NEB: variants seen among roughly 807,000 people sequenced by gnomAD.
NEB encodes the protein nebulin.
Under a neutral mutation model 952.2 loss-of-function variants are expected in NEB, and 512 were observed. The ratio of observed to expected loss-of-function variants is 0.54; its 90% CI spans 0.50 to 0.58. The LOEUF (loss-of-function observed/expected upper bound fraction) is 0.58. Among genes scored for constraint, NEB ranks in the 20% least tolerant of loss-of-function variants. The pLI is 0.00. For synonymous variants in NEB, 2,900 were observed against 3,149.8 expected, an observed-to-expected ratio of 0.92 and a Z score of 2.66; for missense variants, 8,428 against 9,231.1, an observed-to-expected ratio of 0.91 and a Z score of 3.56.
chr2:151,503,659 A>G (rs1575347305), intron 165 of NEB, among the ~76,000 whole-genome samples: 1 of 152,160 alleles, frequency 6.6e-6, no homozygotes, highest in East Asian at 1.9e-4. Flanking sequence ...TAAATTATGC[A>G]TTTTCTGTAA....
rs114118829 is a variant in NEB at position 151,683,313 on chromosome 2, C to T, written c.2836-544G>A. Among the ~76,000 whole-genome samples the T allele has an allele frequency of 2.9e-3, 446 of 152,226 alleles. 1 individual carries two copies. Among genetic ancestry groups the T allele is most frequent in the African/African-American group, 9.4e-3 (391 of 41,546 alleles). On this transcript the variant is annotated intron_variant, in intron 28 of 181. Coordinates refer to ENST00000397345, the MANE Select transcript of NEB (RefSeq NM_001164508.2). ...CAAAACACTTTAAAACAGTTGCACT[C>T]GTTAATTTGCATAAGAGGGCGGTTA...
Position 151,678,248 on chromosome 2 carries a change from G to T in NEB, c.3256-61C>A, listed in dbSNP as rs151236535. 4.6e-5 allele frequency: 50 copies of T among 1,098,874 alleles called. 1 individual carries two copies. The African/African-American group carries it at 7.2e-4, about 16-fold the overall frequency. 68.1% of individuals were successfully genotyped at this position (1,098,874 alleles called of 1,614,324 possible). On this transcript the variant is annotated intron_variant, in intron 32 of 181. Coordinates refer to ENST00000397345, the MANE Select transcript of NEB (RefSeq NM_001164508.2). ...AGTTTTGAGGGCTTTACTAAACAAT[G>T]AGGCCATGATTTGAAGTAATTGAGC...
rs1354478149 is a variant in NEB at position 151,671,161 on chromosome 2, C to G, written c.4368G>C (p.Glu1456Asp). Reference protein sequence around the residue: ...GIGWIPIGSLEVEKVKKAGDA... With the variant: ...GIGWIPIGSLDVEKVKKAGDA... The stretch of plus-strand genomic sequence containing the variant: ...CGCCTGCTTTCTTGACCTTCTCCAC[C>G]TCCAGGGAACCAATAGGGATCCATC... Residue 1456 changes from glutamate (E) to aspartate (D), a missense_variant, in exon 38 of 182, where the codon GAG becomes GAC. Coordinates refer to ENST00000397345, the MANE Select transcript of NEB (RefSeq NM_001164508.2). 6.2e-7 allele frequency: 1 copy of G among 1,614,002 alleles called. No homozygotes were observed. The highest frequency in any genetic ancestry group is 1.7e-5 in the Admixed American group (1 of 60,034).
At position 151,570,341 on chromosome 2, in the gene NEB, G is replaced by T. The variant is rs1048727898; in HGVS notation, c.17170C>A (p.Leu5724Ile). Residue 5724 changes from leucine (L) to isoleucine (I), a missense_variant, in exon 109 of 182, where the codon CTC (leucine) becomes ATC (isoleucine). Leu to Ile is a conservative substitution (Grantham distance 5). Coordinates refer to ENST00000397345, the MANE Select transcript of NEB (RefSeq NM_001164508.2). The part of the protein sequence containing the change: ...EKQKGHYVGT[L>I]TARDDNKIRW... Reference sequence around the variant, plus strand: ...ATCTTGTTGTCATCCCTGGCTGTGAGGGTGCCCACGTAGTGTCCCTTCTGC... The same window carrying T: ...ATCTTGTTGTCATCCCTGGCTGTGATGGTGCCCACGTAGTGTCCCTTCTGC... The T allele has an allele frequency of 1.2e-6, 2 of 1,603,198 alleles. No homozygotes were observed. Among genetic ancestry groups the T allele is most frequent in the African/African-American group, 1.3e-5 (1 of 74,626 alleles).
At chr2:151,704,129 T>A (rs2099690272) in intron 13 of NEB, among the ~76,000 whole-genome samples, 1 of 70,526 alleles carries the variant, frequency 1.4e-5, no homozygotes, top group Non-Finnish European at 2.8e-5. Flanking sequence ...GTGTGAGGTG[T>A]CAGTGTGCCC....
Position 151,631,133 on chromosome 2 carries a change from T to G in NEB, c.9618+10A>C. The G allele has an allele frequency of 2.5e-6, 4 of 1,613,782 alleles. No individual in the cohort carries two copies. The highest frequency in any genetic ancestry group is 3.4e-6 in the Non-Finnish European group (4 of 1,179,718). On this transcript the variant is annotated intron_variant, in intron 66 of 181. Transcript: ENST00000397345. Reference sequence around the variant, plus strand: ...GCATCTTGGAGAAGCTTAAGGCAGCTAGGACTCACCTTATTCATGTTGAGA... The same window carrying G: ...GCATCTTGGAGAAGCTTAAGGCAGCGAGGACTCACCTTATTCATGTTGAGA...
chr2:151,624,576 A>C (rs958342404), intron 71 of NEB, among the ~76,000 whole-genome samples: 1 of 152,180 alleles, frequency 6.6e-6, no homozygotes, highest in African/African-American at 2.4e-5. Flanking sequence ...TGCTGGAGAA[A>C]GTGAAATCAT....
chr2:151,541,359 T>A (rs2094029807), intron 136 of NEB, 88 bp downstream of exon 136: 2 of 907,878 alleles, frequency 2.2e-6, no homozygotes, highest in Admixed American at 2.3e-5. Flanking sequence ...ACCAAGTGTG[T>A]GAGTCTGCCA....
chr2:151,572,882 A>T (rs545028504), intron 107 of NEB, among the ~76,000 whole-genome samples: 142 of 151,870 alleles, frequency 9.4e-4, no homozygotes, highest in Non-Finnish European at 1.7e-3. Context: ...AAAAAAAAAA[A>T]AAAAAAGCCC....
At chr2:151,546,214 G>T in intron 134 of NEB, 131 bp downstream of exon 134, 1 of 748,212 alleles carries the variant, frequency 1.3e-6, no homozygotes, top group Non-Finnish European at 2.2e-6. Context: ...ATCTGCTCAA[G>T]TGAGTTAATG....
rs1466400136 is a variant in NEB, at chr2:151,697,405, C to T, written c.1310G>A (p.Ser437Asn). The T allele has an allele frequency of 1.2e-6, 2 of 1,613,972 alleles. No individual in the cohort carries two copies. The highest frequency in any genetic ancestry group is 2.2e-5 in the East Asian group (1 of 44,872). ...GTGTGAATGGTATGGATCCTCGAAGCTGCCTACATAATGTCCCAAAATATC... is the reference window on the plus strand; with the variant it reads ...GTGTGAATGGTATGGATCCTCGAAGTTGCCTACATAATGTCCCAAAATATC... ...LKDILGHYVG[S>N]FEDPYHSHCM... Residue 437 changes from serine (S) to asparagine (N), a missense_variant, in exon 15 of 182, where the codon AGC (serine) becomes AAC (asparagine). By Grantham distance (46) the Ser-to-Asn change is conservative (BLOSUM62 1). This residue lies in a region of NEB where 2,851 missense variants were observed against 2,791.5 expected (regional missense o/e 1.02). Coordinates refer to ENST00000397345, the MANE Select transcript of NEB (RefSeq NM_001164508.2).
chr2:151,731,657 C>G (rs374685094), intron 3 of NEB, among the ~76,000 whole-genome samples: 1 of 152,084 alleles, frequency 6.6e-6, no homozygotes, highest in Non-Finnish European at 1.5e-5. Context: ...CTAAAAATAG[C>G]CACCTCCTTT....
Position 151,617,416 on chromosome 2 carries a change from G to T in NEB, c.11129C>A (p.Pro3710His). 6.4e-7 allele frequency: 1 copy of T among 1,567,656 alleles called. No homozygotes were observed. The highest frequency in any genetic ancestry group is 2.3e-5 in the East Asian group (1 of 43,370). ...GGCTAACATGATTTCTGGTGTATCA[G>T]GCATGACATGAATAGTTTTCTTGTC... is the stretch of plus-strand genomic sequence containing the variant. ...DNDKKTIHVMPDTPEIMLAKL... is the reference protein window; with the variant it reads ...DNDKKTIHVMHDTPEIMLAKL... The change falls in exon 75 of 182, where the codon CCT becomes CAT. Residue 3710 changes from proline to histidine, a missense_variant. Around this residue, in one of 11 missense-constraint regions of NEB, gnomAD observed 1,772 missense variants for 1,960.3 expected, o/e 0.90. Coordinates refer to ENST00000397345, the MANE Select transcript of NEB (RefSeq NM_001164508.2).
At chr2:151,512,019 CTTTTTTTTTTTTT>C (rs71403173) in intron 161 of NEB, among the ~76,000 whole-genome samples, 9 of 93,568 alleles carry the variant, frequency 9.6e-5, no homozygotes, top group South Asian at 7.3e-4. Context: ...CCCTCTCACT[CTTTTTTTTTTTTT>C]TTTTTTTTTT....
At chr2:151,717,330 G>A in intron 10 of NEB, 86 bp downstream of exon 10, 3 of 928,468 alleles carry the variant, frequency 3.2e-6, no homozygotes, top group Non-Finnish European at 5.2e-6. Context: ...TTTATCTTCA[G>A]TCTCACCTTT....
Position 151,612,403 on chromosome 2 carries a change from A to T in NEB, c.11602-14T>A, listed in dbSNP as rs1412670702. ...TTTGTAAATAGCCTGAAAATGAAAT[A>T]ATGTCAAATATTTATAGATGTCACC... On this transcript the variant is annotated splice_polypyrimidine_tract_variant and intron_variant, in intron 77 of 181. Transcript: ENST00000397345. The T allele has an allele frequency of 6.2e-7, 1 of 1,608,236 alleles. No individual in the cohort carries two copies. Among genetic ancestry groups the T allele is most frequent in the African/African-American group, 1.3e-5 (1 of 74,798 alleles).
At chr2:151,509,867 C>T (rs2072660885) in intron 161 of NEB, among the ~76,000 whole-genome samples, 1 of 152,168 alleles carries the variant, frequency 6.6e-6, no homozygotes, top group Non-Finnish European at 1.5e-5. Flanking sequence ...CTCGGTCTCC[C>T]AAAGTCCTGG....
intron 32 of NEB, 40 bp downstream of exon 32, chr2:151,679,681 C>CA: frequency 1.3e-5 from 12 of 957,158 alleles, no homozygotes; most frequent in Non-Finnish European, 1.5e-5. Context: ...CACCCACCCA[C>CA]ATTTTCTAGT....
intron 81 of NEB, among the ~76,000 whole-genome samples, chr2:151,608,905 CAAAAAAAAAAAAAAAAAAAAA>C (rs1163520121): frequency 2.9e-5 from 1 of 34,436 alleles, no homozygotes; most frequent in Non-Finnish European, 5.3e-5. Flanking sequence ...CTCCGTCTCA[CAAAAAAAAAAAAAAAAAAAAA>C]AAAAAAAGTT....
Sources: allele counts gnomAD v4.1 joint callset (sites outside exome capture counted in the v4.1 genomes callset), GRCh38; gene constraint gnomAD v4.1.1; regional missense constraint gnomAD v4.1.1; transcripts MANE v1.5; gene names NCBI Gene and HGNC (gene_info 2026-07-23, HGNC 2026-07-21).